ZEB1: variants seen among roughly 807,000 people sequenced by gnomAD.
ZEB1 encodes zinc finger E-box binding homeobox 1.
A neutral mutation model predicts 84.9 loss-of-function variants in ZEB1; 21 were observed. That is an observed-to-expected ratio of 0.25 (90% CI 0.18 to 0.36). The LOEUF (loss-of-function observed/expected upper bound fraction) is 0.36. ZEB1 is among the 10% of genes least tolerant of loss of function. ZEB1 has a pLI of 1.00. For missense variants in ZEB1, 1,104 were observed against 1,330.2 expected (o/e 0.83, Z 2.65); for synonymous variants, 420 against 471.1 (o/e 0.89, Z 1.41).
intron 1 of ZEB1, among the ~76,000 whole-genome samples, chr10:31,416,537 G>T (rs1201387411): frequency 6.6e-6 from 1 of 151,976 alleles, no homozygotes; most frequent in Non-Finnish European, 1.5e-5. Flanking sequence ...CTATTATGTA[G>T]GTTTTTGTGT....
chr10:31,505,249 C>T (rs1335375639), intron 4 of ZEB1, among the ~76,000 whole-genome samples: 3 of 151,796 alleles, frequency 2.0e-5, no homozygotes, highest in South Asian at 4.1e-4. Context: ...GATAGTTTTC[C>T]TTTTTTTGTT....
At chr10:31,469,999 G>C in intron 2 of ZEB1, among the ~76,000 whole-genome samples, 1 of 152,142 alleles carries the variant, frequency 6.6e-6, no homozygotes, top group South Asian at 2.1e-4. Context: ...TACAGCTGAG[G>C]GTCCTGTCTG....
At chr10:31,445,929 A>G (rs1278568615) in intron 1 of ZEB1, among the ~76,000 whole-genome samples, 1 of 128,062 alleles carries the variant, frequency 7.8e-6, no homozygotes, top group African/African-American at 3.1e-5. Context: ...TGCTGGCCTC[A>G]TAAAATGAGT....
chr10:31,400,142 C>A lies in ZEB1; in HGVS notation c.59-60895C>A, dbSNP rs74977310. Among the ~76,000 whole-genome samples the A allele has an allele frequency of 3.0e-3, 462 of 152,214 alleles. 1 individual carries two copies. Among genetic ancestry groups the A allele is most frequent in the Middle Eastern group, 0.01 (3 of 294 alleles). On this transcript the variant is annotated intron_variant, in intron 1 of 8. Transcript: ENST00000424869. ...TCTACCATCCCATATATTTTACCTACTTTTTTCATTTATTTTTTGCCTTCC... is the reference window on the plus strand; with the variant it reads ...TCTACCATCCCATATATTTTACCTAATTTTTTCATTTATTTTTTGCCTTCC...
intron 1 of ZEB1, chr10:31,321,723 G>A (rs2034125755): frequency 2.6e-6 from 2 of 759,984 alleles, no homozygotes; most frequent in African/African-American, 1.7e-5. Flanking sequence ...GAGATCCTGT[G>A]ATATGAATAT....
chr10:31,523,041 G>A (rs1339772279), intron 7 of ZEB1, among the ~76,000 whole-genome samples: 3 of 152,188 alleles, frequency 2.0e-5, no homozygotes, highest in African/African-American at 7.2e-5. Context: ...AGTTACTTCA[G>A]CACCAGGGCC....
At chr10:31,437,751 T>C (rs1033182463) in intron 1 of ZEB1, among the ~76,000 whole-genome samples, 2 of 152,200 alleles carry the variant, frequency 1.3e-5, no homozygotes, top group African/African-American at 4.8e-5. Flanking sequence ...TCTTTTTCTT[T>C]TCACTTTTCC....
At chr10:31,373,210 T>A in intron 1 of ZEB1, 2 of 985,336 alleles carry the variant, frequency 2.0e-6, no homozygotes, top group Non-Finnish European at 2.4e-6. Context: ...TGTGTGTGTG[T>A]GTGTGTGTAA....
intron 1 of ZEB1, among the ~76,000 whole-genome samples, chr10:31,453,787 T>A (rs1444394216): frequency 6.6e-6 from 1 of 151,756 alleles, no homozygotes; most frequent in African/African-American, 2.4e-5. Flanking sequence ...TAAAAAAAAA[T>A]GTCCAGGACC....
At chr10:31,482,506 T>C (rs2065176539) in intron 2 of ZEB1, among the ~76,000 whole-genome samples, 1 of 151,656 alleles carries the variant, frequency 6.6e-6, no homozygotes, top group Non-Finnish European at 1.5e-5. Context: ...GTGGGGAAAC[T>C]GGAAAAGGGC....
intron 1 of ZEB1, among the ~76,000 whole-genome samples, chr10:31,378,712 C>A (rs575720893): frequency 6.6e-6 from 1 of 151,668 alleles, no homozygotes; most frequent in Non-Finnish European, 1.5e-5. Flanking sequence ...ATCATTAACA[C>A]GGTAAAAGTA....
chr10:31,468,130 A>G (rs1298845554), intron 2 of ZEB1, among the ~76,000 whole-genome samples: 2 of 152,088 alleles, frequency 1.3e-5, no homozygotes, highest in South Asian at 2.1e-4. Context: ...AACTGCCCCT[A>G]CAGCCCTACC....
chr10:31,319,579 C>G, intron 1 of ZEB1: 3 of 395,254 alleles, frequency 7.6e-6, no homozygotes, highest in South Asian at 5.0e-5. Flanking sequence ...TAGCCGGCGC[C>G]GACGCCGCCG....
intron 6 of ZEB1, among the ~76,000 whole-genome samples, chr10:31,519,845 A>G (rs1006498915): frequency 1.4e-4 from 21 of 152,198 alleles, no homozygotes; most frequent in Non-Finnish European, 1.3e-4. Flanking sequence ...GATACTTGAG[A>G]ATTATTTGAA....
At chr10:31,428,032 G>A (rs2057202390) in intron 1 of ZEB1, among the ~76,000 whole-genome samples, 1 of 152,058 alleles carries the variant, frequency 6.6e-6, no homozygotes, top group Non-Finnish European at 1.5e-5. Flanking sequence ...TGGATTCGTT[G>A]ATCTTTTGAA....
chr10:31,513,022 G>C (rs536343761), intron 5 of ZEB1, among the ~76,000 whole-genome samples: 41 of 152,286 alleles, frequency 2.7e-4, no homozygotes, highest in African/African-American at 9.9e-4. Flanking sequence ...AAAGACGTTG[G>C]ATTGTATTCT....
At chr10:31,442,919 G>A (rs1049648220) in intron 1 of ZEB1, among the ~76,000 whole-genome samples, 1 of 152,074 alleles carries the variant, frequency 6.6e-6, no homozygotes, top group Non-Finnish European at 1.5e-5. Context: ...AGATAAAATA[G>A]GAAGAAACAA....
intron 1 of ZEB1, among the ~76,000 whole-genome samples, chr10:31,347,136 C>T (rs1223263420): frequency 3.3e-5 from 5 of 151,966 alleles, no homozygotes; most frequent in African/African-American, 9.7e-5. Flanking sequence ...AAGTGATTAT[C>T]GAGGCAGGTT....
chr10:31,413,336 C>CA (rs1433267925), intron 1 of ZEB1, among the ~76,000 whole-genome samples: 1 of 152,038 alleles, frequency 6.6e-6, no homozygotes, highest in Non-Finnish European at 1.5e-5. Context: ...AATAGTCTAG[C>CA]AAAAAATGCA....
Sources: allele counts gnomAD v4.1 joint callset (sites outside exome capture counted in the v4.1 genomes callset), GRCh38; gene constraint gnomAD v4.1.1; transcripts MANE v1.5; gene names NCBI Gene and HGNC (gene_info 2026-07-23, HGNC 2026-07-21).